The following RAPGEF5 variants were observed in gnomAD, a reference collection of about 807,000 sequenced individuals.
RAPGEF5 encodes Rap guanine nucleotide exchange factor 5.
A neutral mutation model predicts 125.2 loss-of-function variants in RAPGEF5; 65 were observed. The ratio of observed to expected loss-of-function variants is 0.52; its 90% CI spans 0.43 to 0.64. The LOEUF (loss-of-function observed/expected upper bound fraction) is 0.64. Ranked by LOEUF, RAPGEF5 falls within the 30% of genes least tolerant of loss-of-function variation. The pLI is 0.00. For missense variants in RAPGEF5, 958 were observed against 1,048.1 expected (o/e 0.91, Z 1.19); for synonymous variants, 391 against 385.9 (o/e 1.01, Z -0.16).
intron 13 of RAPGEF5, among the ~76,000 whole-genome samples, chr7:22,161,804 A>G (rs1043172783): frequency 6.6e-6 from 1 of 152,306 alleles, no homozygotes; most frequent in East Asian, 1.9e-4. Flanking sequence ...ATTCCATTGT[A>G]TTCCTTCTCT....
chr7:22,325,872 C>T (rs1461008513), intron 1 of RAPGEF5, among the ~76,000 whole-genome samples: 1 of 152,182 alleles, frequency 6.6e-6, no homozygotes, highest in Admixed American at 6.5e-5. Flanking sequence ...ATTTTATATA[C>T]TGAATGATTT....
intron 8 of RAPGEF5, among the ~76,000 whole-genome samples, chr7:22,227,362 T>A (rs1264841717): frequency 6.6e-6 from 1 of 152,184 alleles, no homozygotes; most frequent in Non-Finnish European, 1.5e-5. Flanking sequence ...AAAGTTATAG[T>A]CTGACTACTG....
chr7:22,339,542 T>A (rs377113844), intron 1 of RAPGEF5, among the ~76,000 whole-genome samples: 3 of 152,188 alleles, frequency 2.0e-5, no homozygotes, highest in African/African-American at 7.2e-5. Context: ...AGTAAGTGCA[T>A]GACACAGATT....
intron 1 of RAPGEF5, among the ~76,000 whole-genome samples, chr7:22,334,608 A>G (rs1783990770): frequency 6.6e-6 from 1 of 152,248 alleles, no homozygotes; most frequent in Non-Finnish European, 1.5e-5. Context: ...CACTGCCAAC[A>G]TACATATGTA....
intron 19 of RAPGEF5, among the ~76,000 whole-genome samples, chr7:22,145,899 T>A (rs1783421626): frequency 6.6e-6 from 1 of 152,140 alleles, no homozygotes; most frequent in Admixed American, 6.6e-5. Flanking sequence ...ACAAGACCAG[T>A]AACTATTTAT....
chr7:22,123,860 T>G (rs573291205), intron 25 of RAPGEF5, among the ~76,000 whole-genome samples: 1 of 152,366 alleles, frequency 6.6e-6, no homozygotes, highest in South Asian at 2.1e-4. Context: ...GCACAATGAA[T>G]GGTTCTAACC....
intron 1 of RAPGEF5, among the ~76,000 whole-genome samples, chr7:22,318,839 CCTGGGTGCT>C: frequency 6.6e-6 from 1 of 152,124 alleles, no homozygotes; most frequent in East Asian, 1.9e-4. Context: ...AGGTGCAGCA[CCTGGGTGCT>C]CAGCATTGTT....
intron 7 of RAPGEF5, among the ~76,000 whole-genome samples, chr7:22,250,357 T>C (rs933035253): frequency 1.6e-4 from 24 of 152,244 alleles, no homozygotes; most frequent in African/African-American, 5.5e-4. Flanking sequence ...TTTTATTACA[T>C]GAGTGAAAAG....
chr7:22,283,231 C>T (rs1317682262), intron 6 of RAPGEF5, among the ~76,000 whole-genome samples: 1 of 152,122 alleles, frequency 6.6e-6, no homozygotes, highest in Non-Finnish European at 1.5e-5. Context: ...GCATAATCCA[C>T]AGTACTGTTA....
At chr7:22,196,134 A>G (rs538463589) in intron 9 of RAPGEF5, among the ~76,000 whole-genome samples, 10 of 152,340 alleles carry the variant, frequency 6.6e-5, no homozygotes, top group African/African-American at 2.4e-4. Flanking sequence ...AAGACCTATT[A>G]AAAATAAAGA....
chr7:22,176,159 AC>A (rs936412138), intron 11 of RAPGEF5, among the ~76,000 whole-genome samples: 2 of 152,028 alleles, frequency 1.3e-5, no homozygotes, highest in African/African-American at 4.8e-5. Flanking sequence ...GTGCGGGGGA[AC>A]TCCCCTTTAT....
chr7:22,315,647 T>C (rs962364699), intron 2 of RAPGEF5, among the ~76,000 whole-genome samples, 171 bp from the exon 3 acceptor site: 1 of 150,830 alleles, frequency 6.6e-6, no homozygotes, highest in African/African-American at 2.4e-5. Context: ...AATACAGCTA[T>C]AAACCTACAA....
intron 1 of RAPGEF5, among the ~76,000 whole-genome samples, chr7:22,324,719 C>T (rs1167590914): frequency 2.6e-5 from 4 of 152,206 alleles, no homozygotes; most frequent in East Asian, 1.9e-4. Context: ...ACCGCCCCTC[C>T]ATAACTTCCT....
intron 1 of RAPGEF5, among the ~76,000 whole-genome samples, chr7:22,340,510 G>C (rs564417076): frequency 2.6e-5 from 4 of 152,312 alleles, no homozygotes; most frequent in African/African-American, 7.2e-5. Context: ...CCCAGCTAGG[G>C]GGACAGGGAG....
intron 1 of RAPGEF5, among the ~76,000 whole-genome samples, chr7:22,355,258 A>T (rs566192138): frequency 2.0e-5 from 3 of 152,356 alleles, no homozygotes; most frequent in African/African-American, 7.2e-5. Context: ...GTATATTGAC[A>T]AGGTATACGA....
chr7:22,351,359 C>T (rs971608185), intron 1 of RAPGEF5, among the ~76,000 whole-genome samples: 1 of 152,188 alleles, frequency 6.6e-6, no homozygotes, highest in Admixed American at 6.5e-5. Flanking sequence ...TTATTTACCT[C>T]TCTCAGAGTG....
intron 11 of RAPGEF5, among the ~76,000 whole-genome samples, chr7:22,179,483 A>G (rs1287353676): frequency 6.6e-6 from 1 of 152,152 alleles, no homozygotes. Context: ...CAGGCTTTTT[A>G]AAAAAATGAC....
intron 11 of RAPGEF5, 117 bp from the exon 12 acceptor site, chr7:22,167,265 G>T: frequency 1.4e-6 from 1 of 719,646 alleles, no homozygotes; most frequent in Non-Finnish European, 2.3e-6. Context: ...ATTGATAGCT[G>T]TGGGAGGGAT....
intron 11 of RAPGEF5, among the ~76,000 whole-genome samples, chr7:22,175,772 G>A (rs1784484635): frequency 6.6e-6 from 1 of 152,118 alleles, no homozygotes; most frequent in African/African-American, 2.4e-5. Context: ...AGAAGCCTGA[G>A]ATATGGTTAT....
Sources: gnomAD v4.1 joint callset for allele counts (sites outside exome capture counted in the v4.1 genomes callset) on GRCh38, gnomAD v4.1.1 for gene constraint, MANE v1.5 for transcripts, NCBI Gene and HGNC (gene_info 2026-07-23, HGNC 2026-07-21) for gene names.